DRC4: variants seen among roughly 807,000 people sequenced by gnomAD.
DRC4 encodes the protein GAS-11.
the DRC4 span, chr16:90,031,300 T>C: frequency 6.2e-7 from 1 of 1,612,044 alleles, no homozygotes; most frequent in East Asian, 2.2e-5. Context: ...CCTGGCCAGG[T>C]GGAGGAGCAT....
chr16:90,044,587 A>C, the DRC4 span: 9 of 471,098 alleles, frequency 1.9e-5, no homozygotes, highest in South Asian at 9.3e-5. Flanking sequence ...GCCTGCCTTC[A>C]TCTGGTCCAG....
chr16:90,022,900 G>A, the DRC4 span, among the ~76,000 whole-genome samples: 1 of 152,180 alleles, frequency 6.6e-6, no homozygotes, highest in Non-Finnish European at 1.5e-5. Flanking sequence ...GGATGCTCCC[G>A]GCCCCGGGGC....
chr16:90,022,486 C>T, the DRC4 span: 2 of 451,016 alleles, frequency 4.4e-6, no homozygotes, highest in Non-Finnish European at 7.9e-6. Flanking sequence ...ACATGCCCTG[C>T]AGCGAAAGGC....
At chr16:90,039,348 G>C in the DRC4 span, among the ~76,000 whole-genome samples, 1 of 149,052 alleles carries the variant, frequency 6.7e-6, no homozygotes, top group African/African-American at 2.5e-5. Context: ...AAAATTTAGA[G>C]ACCAAGGCAG....
the DRC4 span, among the ~76,000 whole-genome samples, chr16:90,041,683 C>G: frequency 9.7e-4 from 148 of 152,034 alleles, 3 homozygotes; most frequent in East Asian, 0.019. Context: ...GGGTGTAATC[C>G]CAGCTATTTG....
At chr16:90,029,516 C>T in the DRC4 span, 17 of 376,222 alleles carry the variant, frequency 4.5e-5, no homozygotes, top group African/African-American at 3.0e-4. Context: ...TCAGGCTCTG[C>T]CCAGGAGCCT....
the DRC4 span, chr16:90,027,588 G>C: frequency 6.3e-7 from 1 of 1,585,062 alleles, no homozygotes; most frequent in Non-Finnish European, 8.7e-7. Flanking sequence ...AGCCAGCCAA[G>C]AAGGGGAAGC....
chr16:90,041,991 G>T, the DRC4 span, among the ~76,000 whole-genome samples: 1 of 152,064 alleles, frequency 6.6e-6, no homozygotes, highest in African/African-American at 2.4e-5. Context: ...AGACTGGAGT[G>T]CAGTGGCTCA....
chr16:90,027,848 C>G, the DRC4 span: 11 of 826,588 alleles, frequency 1.3e-5, no homozygotes, highest in Admixed American at 7.3e-5. Flanking sequence ...ACACGCCCCC[C>G]GCGTGGCCCA....
chr16:90,036,736 A>G, the DRC4 span: 1 of 764,562 alleles, frequency 1.3e-6, no homozygotes, highest in East Asian at 2.7e-5. Context: ...TCATATCCTT[A>G]ACTGAAATTC....
chr16:90,043,163 C>T, the DRC4 span: 1 of 1,587,300 alleles, frequency 6.3e-7, no homozygotes, highest in Non-Finnish European at 8.6e-7. Context: ...GCGTGGGGAC[C>T]CTCAGCTCCC....
At chr16:90,020,614 A>G in the DRC4 span, among the ~76,000 whole-genome samples, 2 of 152,180 alleles carry the variant, frequency 1.3e-5, no homozygotes, top group Non-Finnish European at 2.9e-5. Flanking sequence ...AAAAATCTGA[A>G]CTCGAATTCA....
At chr16:90,019,977 G>A in the DRC4 span, 13 of 698,116 alleles carry the variant, frequency 1.9e-5, no homozygotes, top group Non-Finnish European at 2.9e-5. The surrounding 1 kb of genome is among the most constrained non-coding windows in gnomAD (Gnocchi z 6.1). Flanking sequence ...AGAGGGCGGC[G>A]GGCCCGGGCT....
At chr16:90,037,881 G>C in the DRC4 span, 1 of 1,589,562 alleles carries the variant, frequency 6.3e-7, no homozygotes, top group Non-Finnish European at 8.6e-7. Context: ...TGCAGTTGGC[G>C]GTGGGTGTTA....
the DRC4 span, chr16:90,040,190 T>A: frequency 9.4e-7 from 1 of 1,060,032 alleles, no homozygotes; most frequent in Non-Finnish European, 1.4e-6. Context: ...GTGGGCACTG[T>A]TGGGAGGCAG....
the DRC4 span, chr16:90,043,245 G>A: frequency 6.2e-7 from 1 of 1,613,638 alleles, no homozygotes. Context: ...CTGGCCTTCG[G>A]GATCCCTCTG....
At chr16:90,022,979 C>A in the DRC4 span, among the ~76,000 whole-genome samples, 1 of 152,138 alleles carries the variant, frequency 6.6e-6, no homozygotes, top group African/African-American at 2.4e-5. Flanking sequence ...TCATAGAACG[C>A]CCAGGGCCCG....
At chr16:90,035,945 C>A in the DRC4 span, 1 of 1,398,002 alleles carries the variant, frequency 7.2e-7, no homozygotes, top group Non-Finnish European at 9.4e-7. Flanking sequence ...TAGTTATCAG[C>A]AGGTGGTAGC....
At chr16:90,020,473 T>C in the DRC4 span, among the ~76,000 whole-genome samples, 1 of 152,196 alleles carries the variant, frequency 6.6e-6, no homozygotes, top group Non-Finnish European at 1.5e-5. Flanking sequence ...GCAGTCGGTT[T>C]GTTTGTATTA....
Sources: gnomAD v4.1 joint callset for allele counts (sites outside exome capture counted in the v4.1 genomes callset) on GRCh38, gnomAD v4.1.1 for gene constraint, Gnocchi (gnomAD v3.1) non-coding constraint, MANE v1.5 for transcripts, NCBI Gene and HGNC (gene_info 2026-07-23, HGNC 2026-07-21) for gene names.